Variants in FREM2 observed in about 807,000 individuals in gnomAD.
FREM2 encodes FRAS1 related extracellular matrix 2, also known as FRAS1-related extracellular matrix protein 2.
FREM2 carries 119 observed loss-of-function variants against 219.9 expected under a neutral mutation model. That is an observed-to-expected ratio of 0.54 (90% CI 0.47 to 0.63). The LOEUF (loss-of-function observed/expected upper bound fraction) is 0.63. Among genes scored for constraint, FREM2 ranks in the 30% least tolerant of loss-of-function variants. FREM2 has a pLI of 0.00. For synonymous variants in FREM2, 1,562 were observed against 1,522.8 expected, an observed-to-expected ratio of 1.03 and a Z score of -0.60; for missense variants, 4,030 against 3,993.6, an observed-to-expected ratio of 1.01 and a Z score of -0.25.
At chr13:38,748,248 T>C (rs905509865) in intron 2 of FREM2, among the ~76,000 whole-genome samples, 2 of 152,236 alleles carry the variant, frequency 1.3e-5, no homozygotes, top group African/African-American at 4.8e-5. Context: ...CCTGAACTTA[T>C]ATTTTTCTTG....
chr13:38,732,979 A>G (rs1016331405), intron 2 of FREM2, among the ~76,000 whole-genome samples: 2 of 152,224 alleles, frequency 1.3e-5, no homozygotes, highest in African/African-American at 4.8e-5. Context: ...AAATGATACC[A>G]GAAGAGAATC....
chr13:38,690,890 A>G lies in FREM2; in HGVS notation c.3546A>G (p.Val1182=). The G allele has an allele frequency of 3.1e-6, 5 of 1,614,056 alleles. No homozygotes were observed. The highest frequency in any genetic ancestry group is 1.1e-5 in the South Asian group (1 of 91,068). Residue 1182 remains valine, a synonymous_variant, in exon 1 of 24, where the codon GTA becomes GTG. Transcript: ENST00000280481. ...CAGAGAGACAGTTCTTCCCCATTGT[A>G]ATCATTCCCACCAATGATGAACAGC... ...NFSERQFFPI[V]IIPTNDEQPE...
Position 38,690,853 on chromosome 13 carries a change from G to A in FREM2, c.3509G>A (p.Gly1170Asp), listed in dbSNP as rs1421286956. 1 of 1,614,128 alleles carries A rather than the reference G, an allele frequency of 6.2e-7. No individual in the cohort carries two copies. Among genetic ancestry groups the A allele is most frequent in the South Asian group, 1.1e-5 (1 of 91,080 alleles). ...CGATTTGTATTTCGTTGTTCTGATG[G>A]CATTAACTTTTCAGAGAGACAGTTC... ...EDRFVFRCSD[G>D]INFSERQFFP... The change falls in exon 1 of 24, where the codon GGC becomes GAC. Residue 1170 changes from glycine to aspartate, a missense_variant. Around this residue, in one of 2 missense-constraint regions of FREM2, gnomAD observed 3,102 missense variants for 2,950.7 expected, o/e 1.05. Transcript: ENST00000280481.
chr13:38,767,825 AATCATGTT>A (rs772882832), intron 3 of FREM2, among the ~76,000 whole-genome samples: 7 of 152,230 alleles, frequency 4.6e-5, no homozygotes, highest in Non-Finnish European at 8.8e-5. Context: ...CCATTAAATG[AATCATGTT>A]TTACCTGCTA....
At position 38,731,605 on chromosome 13, in the gene FREM2, G is replaced by A. The variant is rs191247479; in HGVS notation, c.5264-32699G>A. 4.8e-3 allele frequency among the ~76,000 whole-genome samples: 729 copies of A among 152,190 alleles called. 15 individuals are homozygous for A. The highest frequency in any genetic ancestry group is 0.016 in the African/African-American group (683 of 41,508). ...AAGTAAAAAAGACTGGTCAATCTAC[G>A]GATTATGGATTTTCACAAAAGTAAA... On this transcript the variant is annotated intron_variant, in intron 2 of 23. Coordinates refer to ENST00000280481, the MANE Select transcript of FREM2 (RefSeq NM_207361.6).
chr13:38,709,464 T>C (rs2496435), intron 2 of FREM2, among the ~76,000 whole-genome samples: 133,292 of 152,044 alleles, frequency 0.88, 58,519 homozygotes, highest in South Asian at 0.9. Context: ...CATACATGTA[T>C]ACAAATACAT....
Position 38,880,573 on chromosome 13 carries a change from C to T in FREM2, c.9296C>T (p.Pro3099Leu), listed in dbSNP as rs777019274. 2 of 1,614,110 alleles carry T rather than the reference C, an allele frequency of 1.2e-6. No individual in the cohort carries two copies. The highest frequency in any genetic ancestry group is 1.1e-5 in the South Asian group (1 of 91,074). Reference protein sequence around the residue: ...HGRAPPDGILPWELNSPSSAV... With the variant: ...HGRAPPDGILLWELNSPSSAV... ...AGAGCACCTCCAGATGGCATCCTCC[C>T]CTGGGAGCTCAACAGCCCCAGCTCT... Residue 3099 changes from proline (P) to leucine (L), a missense_variant, in exon 24 of 24, where the codon CCC (proline) becomes CTC (leucine). Pro to Leu is a moderately conservative substitution (Grantham distance 98, BLOSUM62 -3). Around this residue, in one of 2 missense-constraint regions of FREM2, gnomAD observed 928 missense variants for 1,042.9 expected, o/e 0.89. Coordinates refer to ENST00000280481, the MANE Select transcript of FREM2 (RefSeq NM_207361.6).
chr13:38,875,724 T>G (rs961656202), intron 18 of FREM2, among the ~76,000 whole-genome samples: 1 of 152,204 alleles, frequency 6.6e-6, no homozygotes, highest in Non-Finnish European at 1.5e-5. Flanking sequence ...CTCTGAACAA[T>G]TTGAGCATTT....
At position 38,852,587 on chromosome 13, in the gene FREM2, A is replaced by G. The variant is rs990718660; in HGVS notation, c.6925+719A>G. On this transcript the variant is annotated intron_variant, in intron 11 of 23. Coordinates refer to ENST00000280481, the MANE Select transcript of FREM2 (RefSeq NM_207361.6). Reference sequence around the variant, plus strand: ...CCAAAAAATTTTGTGTTAACAAAGGACAGTAAAAGTATAGTGAAATATTAA... The same window carrying G: ...CCAAAAAATTTTGTGTTAACAAAGGGCAGTAAAAGTATAGTGAAATATTAA... 3.9e-5 allele frequency among the ~76,000 whole-genome samples: 6 copies of G among 152,184 alleles called. No homozygotes were observed. The South Asian group carries it at 1.2e-3, about 31-fold the overall frequency.
In FREM2 at chr13:38,728,250, G is replaced by A. The variant is rs536598785; in HGVS notation, c.5263+30463G>A. On this transcript the variant is annotated intron_variant, in intron 2 of 23. Transcript: ENST00000280481. Reference sequence around the variant, plus strand: ...GATAAAGACCAGGTCACATGTTGTCGTTGACAGGACTGCTAGTGTTACTAT... The same window carrying A: ...GATAAAGACCAGGTCACATGTTGTCATTGACAGGACTGCTAGTGTTACTAT... Among the ~76,000 whole-genome samples, 29 of 151,882 alleles carry A rather than the reference G, an allele frequency of 1.9e-4. 1 individual carries two copies. The highest frequency in any genetic ancestry group is 5.3e-4 in the African/African-American group (22 of 41,370).
intron 6 of FREM2, among the ~76,000 whole-genome samples, chr13:38,811,073 C>A (rs1003337755): frequency 1.3e-5 from 2 of 151,648 alleles, no homozygotes; most frequent in African/African-American, 4.8e-5. Context: ...ATAATTTATC[C>A]ATTTCTTCTC....
At position 38,851,059 on chromosome 13, in the gene FREM2, A is replaced by T. The variant is rs747727007; in HGVS notation, c.6693A>T (p.Ala2231=). ...AAAGCAACTCTCCCTTTGGGGCTGC[A>T]GTTGGTGAACAAAATGAAACTCTCA... ...TPQSNSPFGA[A]VGEQNETLIR... The change falls in exon 10 of 24, where the codon GCA becomes GCT. Residue 2231 remains alanine, a synonymous_variant. Transcript: ENST00000280481. The T allele has an allele frequency of 1.1e-5, 17 of 1,613,934 alleles. No individual in the cohort carries two copies. Among genetic ancestry groups the T allele is most frequent in the Non-Finnish European group, 1.4e-5 (17 of 1,179,988 alleles).
intron 6 of FREM2, among the ~76,000 whole-genome samples, chr13:38,837,038 T>C (rs530458455): frequency 6.6e-6 from 1 of 152,266 alleles, no homozygotes; most frequent in Admixed American, 6.5e-5. Flanking sequence ...GATGTTAGGG[T>C]GTTGATTTTA....
In FREM2 at chr13:38,691,792, C is replaced by T. The variant is rs759943934; in HGVS notation, c.4448C>T (p.Thr1483Ile). ...CCTGGTGTGTCCATCACGTCTTTCA[C>T]TCAGCTGCAACTGGCTGGAAACAAA... ...DQPGVSITSF[T>I]QLQLAGNKIY... Residue 1483 changes from threonine to isoleucine, a missense_variant, in exon 1 of 24, where the codon ACT (threonine) becomes ATT (isoleucine). This residue lies in a region of FREM2 where 3,102 missense variants were observed against 2,950.7 expected (regional missense o/e 1.05). Transcript: ENST00000280481. 5.6e-6 allele frequency: 9 copies of T among 1,614,056 alleles called. No individual in the cohort carries two copies. Among genetic ancestry groups the T allele is most frequent in the East Asian group, 2.2e-5 (1 of 44,890 alleles).
At chr13:38,702,763 A>T (rs1294591801) in intron 2 of FREM2, among the ~76,000 whole-genome samples, 1 of 151,804 alleles carries the variant, frequency 6.6e-6, no homozygotes, top group East Asian at 1.9e-4. Context: ...CTTATTTGAA[A>T]CCTCTCATAT....
intron 6 of FREM2, among the ~76,000 whole-genome samples, chr13:38,785,052 C>T (rs936450146): frequency 6.6e-5 from 10 of 152,212 alleles, no homozygotes; most frequent in African/African-American, 2.4e-4. Flanking sequence ...GTTTCTTTCA[C>T]CAAGCCCTGT....
At chr13:38,807,189 T>TA (rs1555268805) in intron 6 of FREM2, among the ~76,000 whole-genome samples, 1,067 of 45,328 alleles carry the variant, frequency 0.024, 217 homozygotes, top group Middle Eastern at 0.052. Context: ...CTTGTCTCTG[T>TA]TATATATATA....
chr13:38,746,237 T>C (rs191480683), intron 2 of FREM2, among the ~76,000 whole-genome samples: 1 of 152,286 alleles, frequency 6.6e-6, no homozygotes, highest in East Asian at 1.9e-4. Context: ...CTCAATCCTA[T>C]TTTACCTTTT....
rs934153936 is a variant in FREM2, at chr13:38,876,233, A to G, written c.8410-15A>G. 6.8e-6 allele frequency: 11 copies of G among 1,613,902 alleles called. No individual in the cohort carries two copies. In the Admixed American group the frequency reaches 1.0e-4, roughly 15 times the overall value. ...AGATTTTTAAATGTAATATATCAATATCTTCTCCTCAAAGGTACGTGACTA... is the reference window on the plus strand; with the variant it reads ...AGATTTTTAAATGTAATATATCAATGTCTTCTCCTCAAAGGTACGTGACTA... On this transcript the variant is annotated splice_polypyrimidine_tract_variant and intron_variant, in intron 19 of 23. Coordinates refer to ENST00000280481, the MANE Select transcript of FREM2 (RefSeq NM_207361.6).
Sources: gnomAD v4.1 joint callset for allele counts (sites outside exome capture counted in the v4.1 genomes callset) on GRCh38, gnomAD v4.1.1 for gene constraint, gnomAD v4.1.1 regional missense constraint, MANE v1.5 for transcripts, NCBI Gene and HGNC (gene_info 2026-07-23, HGNC 2026-07-21) for gene names.